Variants in PTPRT observed in about 807,000 individuals in gnomAD.
PTPRT encodes protein tyrosine phosphatase receptor type T, also known as receptor-type tyrosine-protein phosphatase T.
A neutral mutation model predicts 176.8 loss-of-function variants in PTPRT; 56 were observed. The observed-to-expected ratio is 0.32, with a 90% CI of 0.26 to 0.40. PTPRT has a LOEUF of 0.40. Among genes scored for constraint, PTPRT ranks in the 10% least tolerant of loss-of-function variants. The pLI is 1.00. For synonymous variants in PTPRT, 783 were observed against 739.0 expected (o/e 1.06, Z -0.96); for missense variants, 1,540 against 1,908.2 (o/e 0.81, Z 3.60).
chr20:43,134,795 T>G (rs1362248225), intron 1 of PTPRT, among the ~76,000 whole-genome samples: 1 of 152,238 alleles, frequency 6.6e-6, no homozygotes, highest in East Asian at 1.9e-4. Flanking sequence ...TCAGTTTTGT[T>G]GTCTGTGATA....
intron 9 of PTPRT, among the ~76,000 whole-genome samples, chr20:42,394,801 A>G (rs1395402019): frequency 1.3e-5 from 2 of 152,218 alleles, no homozygotes; most frequent in African/African-American, 4.8e-5. Context: ...ATAATGAACA[A>G]CTAGAAAAAA....
intron 1 of PTPRT, among the ~76,000 whole-genome samples, chr20:43,147,421 C>A (rs370460419): frequency 6.6e-6 from 1 of 152,162 alleles, no homozygotes; most frequent in Non-Finnish European, 1.5e-5. Context: ...CACATCGCTT[C>A]GTCAGAAATC....
At chr20:42,112,826 G>A (rs1256306614) in intron 22 of PTPRT, among the ~76,000 whole-genome samples, 5 of 152,224 alleles carry the variant, frequency 3.3e-5, no homozygotes, top group African/African-American at 1.2e-4. Flanking sequence ...CCTGTTAGGA[G>A]GGAGAAATCA....
chr20:42,248,577 A>T, intron 14 of PTPRT, 110 bp downstream of exon 14: 2 of 1,389,346 alleles, frequency 1.4e-6, no homozygotes, highest in Non-Finnish European at 2.0e-6. Flanking sequence ...CAATGGTTAT[A>T]ACAGAAGATC....
chr20:42,915,438 C>T (rs934145940), intron 1 of PTPRT, among the ~76,000 whole-genome samples: 2 of 152,194 alleles, frequency 1.3e-5, no homozygotes, highest in East Asian at 1.9e-4. Context: ...TCTCCTGGAC[C>T]GGGAAAGACT....
chr20:43,001,871 CAAACAAACAAAA>C (rs1303858377), intron 1 of PTPRT, among the ~76,000 whole-genome samples: 4 of 146,468 alleles, frequency 2.7e-5, no homozygotes, highest in African/African-American at 1.1e-4. Context: ...AACAAACAAA[CAAACAAACAAAA>C]AAACAAACAA....
intron 7 of PTPRT, among the ~76,000 whole-genome samples, chr20:42,641,275 T>A (rs968249022): frequency 1.3e-5 from 2 of 152,184 alleles, no homozygotes; most frequent in African/African-American, 4.8e-5. Context: ...AATCTGTCAC[T>A]AGCGATGTGT....
Position 42,075,316 on chromosome 20 carries a change from C to T in PTPRT, c.*5563G>A, listed in dbSNP as rs545817497. 2.6e-4 allele frequency: 61 copies of T among 232,132 alleles called. No individual in the cohort carries two copies. Among genetic ancestry groups the T allele is most frequent in the South Asian group, 2.4e-3 (13 of 5,496 alleles). 14.4% of individuals were successfully genotyped at this position (232,132 alleles called of 1,614,324 possible). On this transcript the variant is annotated 3_prime_UTR_variant, in exon 31 of 31. Transcript: ENST00000373187. ...GGATTTGAGATGACATGACTATCCA[C>T]GTTTATGTTTTTTTTCTTCTAACCT...
chr20:42,648,238 C>A (rs536131951), intron 7 of PTPRT, among the ~76,000 whole-genome samples: 39 of 152,090 alleles, frequency 2.6e-4, no homozygotes, highest in Non-Finnish European at 5.1e-4. Flanking sequence ...TCCTCCATCA[C>A]TTCAATCAAG....
At chr20:42,716,474 C>G (rs555274404) in intron 6 of PTPRT, among the ~76,000 whole-genome samples, 1 of 152,122 alleles carries the variant, frequency 6.6e-6, no homozygotes, top group African/African-American at 2.4e-5. Context: ...CTCATTGTGG[C>G]TTTGATTTTC....
At chr20:42,653,845 C>A (rs908397357) in intron 7 of PTPRT, among the ~76,000 whole-genome samples, 1 of 152,110 alleles carries the variant, frequency 6.6e-6, no homozygotes, top group East Asian at 1.9e-4. Context: ...ATTTTTTGAA[C>A]AGTAAATTTG....
chr20:42,734,182 T>G (rs1251812365), intron 6 of PTPRT, among the ~76,000 whole-genome samples: 1 of 152,150 alleles, frequency 6.6e-6, no homozygotes, highest in Non-Finnish European at 1.5e-5. Flanking sequence ...TGGGAGGTCA[T>G]CACTACAGCT....
At chr20:42,705,942 C>T (rs742420) in intron 6 of PTPRT, among the ~76,000 whole-genome samples, 60,978 of 151,884 alleles carry the variant, frequency 0.4, 13,939 homozygotes, top group African/African-American at 0.63. Context: ...TAGGCCTGTT[C>T]ACCATTAGAT....
At chr20:42,629,464 G>A (rs2074363056) in intron 7 of PTPRT, among the ~76,000 whole-genome samples, 1 of 152,170 alleles carries the variant, frequency 6.6e-6, no homozygotes, top group Non-Finnish European at 1.5e-5. Flanking sequence ...GGAGAAAAAT[G>A]TGGCTAAATG....
At chr20:42,380,663 G>C (rs2058690337) in intron 9 of PTPRT, among the ~76,000 whole-genome samples, 1 of 152,196 alleles carries the variant, frequency 6.6e-6, no homozygotes, top group South Asian at 2.1e-4. Flanking sequence ...GCGTAGCTTT[G>C]CATTGCACTT....
chr20:42,489,530 T>A (rs1027934562), intron 7 of PTPRT, among the ~76,000 whole-genome samples: 1 of 152,002 alleles, frequency 6.6e-6, no homozygotes, highest in Non-Finnish European at 1.5e-5. Context: ...ATTTATTTTA[T>A]CCCATTCCCC....
intron 7 of PTPRT, among the ~76,000 whole-genome samples, chr20:42,650,963 C>T (rs530523531): frequency 7.2e-5 from 11 of 151,980 alleles, no homozygotes; most frequent in African/African-American, 2.4e-4. Context: ...ATTTCTCTGG[C>T]GAAGCTCTCC....
chr20:42,456,748 T>C (rs1377271378), intron 8 of PTPRT, among the ~76,000 whole-genome samples: 1 of 152,148 alleles, frequency 6.6e-6, no homozygotes, highest in African/African-American at 2.4e-5. Flanking sequence ...ATATTTTGTT[T>C]AGGTATTTGC....
chr20:42,160,857 G>A (rs766067120), intron 17 of PTPRT, among the ~76,000 whole-genome samples: 9 of 152,194 alleles, frequency 5.9e-5, no homozygotes, highest in Middle Eastern at 3.2e-3. Flanking sequence ...CATTGCCTTC[G>A]GGGGATGGGA....
Sources: gnomAD v4.1 joint callset for allele counts (sites outside exome capture counted in the v4.1 genomes callset) on GRCh38, gnomAD v4.1.1 for gene constraint, MANE v1.5 for transcripts, NCBI Gene and HGNC (gene_info 2026-07-23, HGNC 2026-07-21) for gene names.